Variants in ALPG observed in about 807,000 individuals in gnomAD.
The protein encoded by ALPG is alkaline phosphatase, germ cell type.
A neutral mutation model predicts 48.6 loss-of-function variants in ALPG; 32 were observed. The ratio of observed to expected loss-of-function variants is 0.66; its 90% CI spans 0.50 to 0.88. ALPG has a LOEUF of 0.88. ALPG is among the 40% of genes least tolerant of loss of function. The pLI, the probability that ALPG is intolerant of heterozygous loss-of-function variation, is 0.00. For synonymous variants in ALPG, 244 were observed against 308.9 expected, an observed-to-expected ratio of 0.79 and a Z score of 2.20; for missense variants, 533 against 718.1, an observed-to-expected ratio of 0.74 and a Z score of 2.95.
At position 232,407,383 on chromosome 2, in the gene ALPG, G is replaced by T. The variant is rs41265115; in HGVS notation, c.282G>T (p.Pro94=). 4.3e-6 allele frequency: 7 copies of T among 1,613,742 alleles called. No homozygotes were observed. The highest frequency in any genetic ancestry group is 4.2e-6 in the Non-Finnish European group (5 of 1,179,976). ...CCTTCCTGGCCATGGACCGCTTCCC[G>T]TACGTGGCTCTGTCCAAGGTAAGTG... ...PETFLAMDRF[P]YVALSKTYSV... is the part of the protein sequence containing the mutation. Residue 94 remains proline, a synonymous_variant, in exon 3 of 11, where the codon CCG becomes CCT. Coordinates refer to ENST00000295453, the MANE Select transcript of ALPG (RefSeq NM_031313.3).
In ALPG at chr2:232,410,406, T is replaced by A; in HGVS notation, c.*534T>A. 6.0e-6 allele frequency: 1 copy of A among 165,992 alleles called. No individual in the cohort carries two copies. Among genetic ancestry groups the A allele is most frequent in the Non-Finnish European group, 1.3e-5 (1 of 77,372 alleles). 10.3% of individuals were successfully genotyped at this position (165,992 alleles called of 1,614,324 possible). The stretch of plus-strand genomic sequence containing the variant: ...CTTTGACACAGTCCTCTGCTGTCCC[T>A]CCACTGGGCTAATTCTACACCCCTG... On this transcript the variant is annotated 3_prime_UTR_variant, in exon 11 of 11. Coordinates refer to ENST00000295453, the MANE Select transcript of ALPG (RefSeq NM_031313.3).
rs146482704 is a variant in ALPG, at chr2:232,407,381, C to T, written c.280C>T (p.Pro94Ser). The T allele has an allele frequency of 0.01, 16,295 of 1,613,872 alleles. 126 individuals carry two copies. The highest frequency in any genetic ancestry group is 0.013 in the Non-Finnish European group (14,898 of 1,179,976). Reference sequence around the variant, plus strand: ...GACCTTCCTGGCCATGGACCGCTTCCCGTACGTGGCTCTGTCCAAGGTAAG... The same window carrying T: ...GACCTTCCTGGCCATGGACCGCTTCTCGTACGTGGCTCTGTCCAAGGTAAG... ...PETFLAMDRF[P>S]YVALSKTYSV... Residue 94 changes from proline (P) to serine (S), a missense_variant, in exon 3 of 11, where the codon CCG becomes TCG. Transcript: ENST00000295453.
chr2:232,409,994 C>T lies in ALPG; in HGVS notation c.*122C>T, dbSNP rs1221318432. 2.7e-5 allele frequency: 37 copies of T among 1,381,106 alleles called. No individual in the cohort carries two copies. The highest frequency in any genetic ancestry group is 3.1e-5 in the Non-Finnish European group (32 of 1,048,544). 85.6% of individuals were successfully genotyped at this position (1,381,106 alleles called of 1,614,324 possible). ...CCGGAGTCGCCACACAGACGTCCTGCCATGGAACCTTCCCCTCCCGGTGCA... is the reference window on the plus strand; with the variant it reads ...CCGGAGTCGCCACACAGACGTCCTGTCATGGAACCTTCCCCTCCCGGTGCA... On this transcript the variant is annotated 3_prime_UTR_variant, in exon 11 of 11. Coordinates refer to ENST00000295453, the MANE Select transcript of ALPG (RefSeq NM_031313.3).
At position 232,406,858 on chromosome 2, in the gene ALPG, G is replaced by T. The variant is rs375102325; in HGVS notation, c.-37G>T. On this transcript the variant is annotated 5_prime_UTR_variant, in exon 1 of 11. Transcript: ENST00000295453. ...GAGTGCAGCTCATACTCCATACCTGGGATTTCCGCCTCGCCGCTCTCCGAC... is the reference window on the plus strand; with the variant it reads ...GAGTGCAGCTCATACTCCATACCTGTGATTTCCGCCTCGCCGCTCTCCGAC... 1.3e-6 allele frequency: 2 copies of T among 1,593,538 alleles called. No homozygotes were observed. Among genetic ancestry groups the T allele is most frequent in the Non-Finnish European group, 1.7e-6 (2 of 1,171,054 alleles).
intron 10 of ALPG, 55 bp downstream of exon 10, chr2:232,409,503 C>T: frequency 5.6e-6 from 9 of 1,607,998 alleles, no homozygotes; most frequent in African/African-American, 5.3e-5. Flanking sequence ...GGATGGGGGG[C>T]TGGCGGGAAG....
Position 232,407,975 on chromosome 2 carries a change from C to T in ALPG, c.606C>T (p.Cys202=). The change falls in exon 5 of 11, where the codon TGC becomes TGT. Residue 202 remains cysteine, a synonymous_variant. Coordinates refer to ENST00000295453, the MANE Select transcript of ALPG (RefSeq NM_031313.3). Reference sequence around the variant, plus strand: ...CTGCCTCGGCCCGCCAGGAGGGGTGCCAGGACATCGCCACGCAGCTCATCT... The same window carrying T: ...CTGCCTCGGCCCGCCAGGAGGGGTGTCAGGACATCGCCACGCAGCTCATCT... ...DVPASARQEG[C]QDIATQLISN... The T allele has an allele frequency of 6.2e-7, 1 of 1,612,944 alleles. No homozygotes were observed. The highest frequency in any genetic ancestry group is 8.5e-7 in the Non-Finnish European group (1 of 1,179,812).
chr2:232,407,055 A>G lies in ALPG; in HGVS notation c.68-2A>G. On this transcript the variant is annotated splice_acceptor_variant, in intron 1 of 10. Transcript: ENST00000295453. LOFTEE classifies it high-confidence loss of function. ...CCTGATCTTTGCTCTCCCCCTGGCC[A>G]GTTGAGGAGGAGAACCCGGACTTCT... is the stretch of plus-strand genomic sequence containing the variant. 2 of 1,613,634 alleles carry G rather than the reference A, an allele frequency of 1.2e-6. No homozygotes were observed. The highest frequency in any genetic ancestry group is 1.7e-6 in the Non-Finnish European group (2 of 1,179,950).
chr2:232,409,326 C>T lies in ALPG; in HGVS notation c.1184-6C>T. On this transcript the variant is annotated splice_region_variant and splice_polypyrimidine_tract_variant and intron_variant, in intron 9 of 10. Coordinates refer to ENST00000295453, the MANE Select transcript of ALPG (RefSeq NM_031313.3). ...AGCTCAACCACAGGGACCCCTCTCT[C>T]TGCAGGGCTGGCCCCTGGCAAGGCC... 2.0e-6 allele frequency: 3 copies of T among 1,471,254 alleles called. No individual in the cohort carries two copies. In the South Asian group the frequency reaches 3.5e-5, roughly 17 times the overall value. 91.1% of individuals were successfully genotyped at this position (1,471,254 alleles called of 1,614,324 possible).
chr2:232,409,515 G>A (rs1312802485), intron 10 of ALPG, 59 bp from the exon 11 acceptor site: 8 of 1,610,338 alleles, frequency 5.0e-6, no homozygotes, highest in African/African-American at 1.3e-5. Context: ...GGCGGGAAGG[G>A]GTCACCTCTT....
In ALPG at chr2:232,410,554, C is replaced by A. The variant is rs1165727121; in HGVS notation, c.*682C>A. 6.5e-6 allele frequency: 1 copy of A among 152,748 alleles called. No individual in the cohort carries two copies. The highest frequency in any genetic ancestry group is 1.5e-5 in the Non-Finnish European group (1 of 68,490). The allele number at this position is 152,748 out of a possible 1,614,324, so 9.5% of individuals were successfully genotyped here. A position where few individuals can be genotyped will look rare whatever the true frequency, so the allele number is the denominator to read the frequency against. On this transcript the variant is annotated 3_prime_UTR_variant, in exon 11 of 11. Transcript: ENST00000295453. Reference sequence around the variant, plus strand: ...AGTTCCGAGGAGCACCTGGGAAGCTCTGGGTGCAGGATAGCAGTCCAGAGT... The same window carrying A: ...AGTTCCGAGGAGCACCTGGGAAGCTATGGGTGCAGGATAGCAGTCCAGAGT...
chr2:232,409,627 G>A lies in ALPG; in HGVS notation c.1354G>A (p.Ala452Thr), dbSNP rs1360147831. ...AGTGCCCCTGGACGGAGAGACCCAC[G>A]CAGGCGAGGACGTGGCGGTGTTCGC... is the stretch of plus-strand genomic sequence containing the variant. ...SAVPLDGETH[A>T]GEDVAVFARG... Residue 452 changes from alanine (A) to threonine (T), a missense_variant, in exon 11 of 11, where the codon GCA (alanine) becomes ACA (threonine). This residue lies in a region of ALPG where 145 missense variants were observed against 174.3 expected (regional missense o/e 0.83). Coordinates refer to ENST00000295453, the MANE Select transcript of ALPG (RefSeq NM_031313.3). 8.1e-6 allele frequency: 13 copies of A among 1,612,518 alleles called. No homozygotes were observed. The Admixed American group carries it at 1.3e-4, about 17-fold the overall frequency.
Position 232,407,360 on chromosome 2 carries a change from T to G in ALPG, c.259T>G (p.Phe87Val). 6.2e-7 allele frequency: 1 copy of G among 1,613,840 alleles called. No individual in the cohort carries two copies. The highest frequency in any genetic ancestry group is 1.1e-5 in the South Asian group (1 of 90,964). Reference sequence around the variant, plus strand: ...GAAGGACAAACTGGGGCCTGAGACCTTCCTGGCCATGGACCGCTTCCCGTA... The same window carrying G: ...GAAGGACAAACTGGGGCCTGAGACCGTCCTGGCCATGGACCGCTTCCCGTA... ...QKKDKLGPET[F>V]LAMDRFPYVA... Residue 87 changes from phenylalanine (F) to valine (V), a missense_variant, in exon 3 of 11, where the codon TTC becomes GTC. Transcript: ENST00000295453.
intron 1 of ALPG, 34 bp downstream of exon 1, chr2:232,406,995 C>A (rs1489517216): frequency 4.4e-6 from 7 of 1,605,138 alleles, no homozygotes; most frequent in Non-Finnish European, 5.9e-6. Context: ...CCTACACACA[C>A]ACACACACAC....
chr2:232,406,925 G>A lies in ALPG; in HGVS notation c.31G>A (p.Gly11Ser). 1 of 1,612,598 alleles carries A rather than the reference G, an allele frequency of 6.2e-7. No individual in the cohort carries two copies. The highest frequency in any genetic ancestry group is 1.1e-5 in the South Asian group (1 of 90,830). The change falls in exon 1 of 11, where the codon GGC becomes AGC. Residue 11 changes from glycine (G) to serine (S), a missense_variant. Transcript: ENST00000295453. MQGPWVLLLL[G>S]LRLQLSLGII... is the part of the protein sequence containing the mutation. ...GGGGCCCTGGGTGCTGCTCCTGCTGGGCCTGAGGCTACAGCTCTCCCTGGG... is the reference window on the plus strand; with the variant it reads ...GGGGCCCTGGGTGCTGCTCCTGCTGAGCCTGAGGCTACAGCTCTCCCTGGG...
chr2:232,406,865 C>T lies in ALPG; in HGVS notation c.-30C>T, dbSNP rs201521925. On this transcript the variant is annotated 5_prime_UTR_variant, in exon 1 of 11. Transcript: ENST00000295453. The stretch of plus-strand genomic sequence containing the variant: ...GCTCATACTCCATACCTGGGATTTC[C>T]GCCTCGCCGCTCTCCGACTGCTTCC... The T allele has an allele frequency of 2.0e-3, 3,185 of 1,597,160 alleles. 11 individuals are homozygous for T. The highest frequency in any genetic ancestry group is 3.8e-3 in the Middle Eastern group (19 of 4,996).
chr2:232,408,087 G>A (rs1421527805), intron 5 of ALPG, 70 bp downstream of exon 5: 6 of 1,571,948 alleles, frequency 3.8e-6, no homozygotes, highest in Admixed American at 1.8e-5. Context: ...CTCAGACCCA[G>A]GCAACCAAAA....
intron 2 of ALPG, 50 bp from the exon 3 acceptor site, chr2:232,407,236 G>T: frequency 1.2e-6 from 2 of 1,613,898 alleles, no homozygotes; most frequent in South Asian, 2.2e-5. Context: ...ACCCTCAGTG[G>T]TTCCAGGACA....
In ALPG at chr2:232,407,873, A is replaced by C; in HGVS notation, c.504A>C (p.Thr168=). 1.9e-6 allele frequency: 3 copies of C among 1,613,492 alleles called. No homozygotes were observed. The highest frequency in any genetic ancestry group is 2.5e-6 in the Non-Finnish European group (3 of 1,180,020). ...AGKSVGVVTT[T]RVQHASPAGA... ...AGTCAGTGGGAGTGGTAACCACCACACGGGTGCAGCATGCCTCGCCAGCCG... is the reference window on the plus strand; with the variant it reads ...AGTCAGTGGGAGTGGTAACCACCACCCGGGTGCAGCATGCCTCGCCAGCCG... The change falls in exon 5 of 11, where the codon ACA becomes ACC. Residue 168 remains threonine, a synonymous_variant. Transcript: ENST00000295453.
At chr2:232,408,453 TGGGGCTC>T in intron 6 of ALPG, 41 bp from the exon 7 acceptor site, 2 of 1,553,530 alleles carry the variant, frequency 1.3e-6, no homozygotes, top group Middle Eastern at 3.6e-4. Context: ...GGCAGAGGTG[TGGGGCTC>T]GGGGCTGTGG....
Sources: gnomAD v4.1 joint callset for allele counts on GRCh38, gnomAD v4.1.1 for gene constraint, gnomAD v4.1.1 regional missense constraint, MANE v1.5 for transcripts, NCBI Gene and HGNC (gene_info 2026-07-23, HGNC 2026-07-21) for gene names.